ARID4A: variants seen among roughly 807,000 people sequenced by gnomAD.
The protein encoded by ARID4A is AT-rich interaction domain 4A, also known as AT-rich interactive domain-containing protein 4A.
Under a neutral mutation model 148.6 loss-of-function variants are expected in ARID4A, and 39 were observed. The ratio of observed to expected loss-of-function variants is 0.26; its 90% CI spans 0.20 to 0.34. The LOEUF (loss-of-function observed/expected upper bound fraction) is 0.34, where lower values mean the gene tolerates loss of function less well. ARID4A is among the 10% of genes least tolerant of loss of function. The pLI, the probability that ARID4A is intolerant of heterozygous loss-of-function variation, is 1.00. For synonymous variants in ARID4A, 475 were observed against 481.2 expected (o/e 0.99, Z 0.17); for missense variants, 1,265 against 1,449.1 (o/e 0.87, Z 2.06).
chr14:58,306,356 GTTTCT>G (rs1256534384), intron 5 of ARID4A, among the ~76,000 whole-genome samples: 1 of 152,090 alleles, frequency 6.6e-6, no homozygotes, highest in Admixed American at 6.5e-5. Flanking sequence ...TTACTTTGAT[GTTTCT>G]TTTCAAGAAA....
chr14:58,340,247 C>G (rs2034046596), intron 11 of ARID4A, among the ~76,000 whole-genome samples: 1 of 151,966 alleles, frequency 6.6e-6, no homozygotes. Context: ...TTTTTTGGGA[C>G]AGAGTCTCAC....
intron 11 of ARID4A, among the ~76,000 whole-genome samples, chr14:58,338,429 C>G (rs778541694): frequency 3.3e-5 from 5 of 152,216 alleles, no homozygotes; most frequent in Non-Finnish European, 7.3e-5. Flanking sequence ...TTCTGATGTA[C>G]TCCTTGCAGT....
intron 8 of ARID4A, among the ~76,000 whole-genome samples, chr14:58,327,845 G>T (rs903988547): frequency 6.6e-6 from 1 of 151,714 alleles, no homozygotes; most frequent in Non-Finnish European, 1.5e-5. Flanking sequence ...CTAATTTTTG[G>T]TATTTTTGGT....
chr14:58,309,861 T>C (rs2031889309), intron 5 of ARID4A, among the ~76,000 whole-genome samples: 1 of 152,222 alleles, frequency 6.6e-6, no homozygotes, highest in African/African-American at 2.4e-5. Flanking sequence ...AGATTTTGTG[T>C]AAGTTCTAGT....
At chr14:58,347,966 C>G (rs1368456811) in intron 15 of ARID4A, 88 bp downstream of exon 15, 1 of 863,924 alleles carries the variant, frequency 1.2e-6, no homozygotes, top group Admixed American at 2.9e-5. Flanking sequence ...AAAAGTACTA[C>G]AGTGAACCTA....
rs545250786 is a variant in ARID4A, at chr14:58,299,760, CTGAT to C, written c.-57-36_-57-33del. The C allele has an allele frequency of 1.6e-4, 244 of 1,564,304 alleles. 1 individual carries two copies. The East Asian group carries it at 5.1e-3, about 32-fold the overall frequency. ...TCCCTTGGTCGCTCCCCGCAGTTGA[CTGAT>C]TATGTCTGTGCCTGTCTTTCCCCCT... On this transcript the variant is annotated intron_variant, in intron 1 of 23. Transcript: ENST00000355431.
At chr14:58,304,911 A>G in intron 3 of ARID4A, 33 bp from the exon 4 acceptor site, 4 of 1,543,674 alleles carry the variant, frequency 2.6e-6, no homozygotes, top group Non-Finnish European at 3.6e-6. Context: ...TTTTAAAAGT[A>G]ATATGCAAAT....
rs942456020 is a variant in ARID4A, at chr14:58,359,189, A to G, written c.1911A>G (p.Pro637=). The stretch of plus-strand genomic sequence containing the variant: ...TCTGGCCTTTGGACAAAGGTGGACC[A>G]AAGAAAAAACAGAAGAAAAAAGCTA... ...RIIWPLDKGG[P]KKKQKKKAKN... Residue 637 remains proline, a synonymous_variant, in exon 18 of 24, where the codon CCA becomes CCG. Coordinates refer to ENST00000355431, the MANE Select transcript of ARID4A (RefSeq NM_002892.4). 1 of 1,604,204 alleles carries G rather than the reference A, an allele frequency of 6.2e-7. No homozygotes were observed. Among genetic ancestry groups the G allele is most frequent in the Admixed American group, 1.8e-5 (1 of 57,006 alleles).
chr14:58,357,253 G>A (rs778353600), intron 17 of ARID4A, among the ~76,000 whole-genome samples: 28 of 152,208 alleles, frequency 1.8e-4, no homozygotes, highest in African/African-American at 2.9e-4. Flanking sequence ...GTGATGTTCA[G>A]TAGGCTAGAT....
At chr14:58,337,419 A>G (rs184139798) in intron 11 of ARID4A, among the ~76,000 whole-genome samples, 19 of 151,792 alleles carry the variant, frequency 1.3e-4, no homozygotes, top group Admixed American at 1.3e-4. Flanking sequence ...CCTAACAGCT[A>G]TCAACACAGA....
At chr14:58,323,363 G>A in intron 7 of ARID4A, 122 bp from the exon 8 acceptor site, 1 of 1,122,830 alleles carries the variant, frequency 8.9e-7, no homozygotes, top group South Asian at 1.6e-5. Context: ...CAATAAGAAT[G>A]GAGAGGCTAC....
chr14:58,323,403 A>C (rs2033022216), intron 7 of ARID4A, 82 bp from the exon 8 acceptor site: 2 of 1,482,328 alleles, frequency 1.3e-6, no homozygotes, highest in Admixed American at 3.8e-5. Context: ...TTAGAAATTG[A>C]ATTGACTATA....
intron 15 of ARID4A, among the ~76,000 whole-genome samples, chr14:58,350,767 TGTA>T (rs763329028): frequency 3.9e-5 from 6 of 152,344 alleles, no homozygotes; most frequent in South Asian, 4.1e-4. Flanking sequence ...GATAAAATGA[TGTA>T]GTAAACAAAG....
At position 58,340,276 on chromosome 14, in the gene ARID4A, A is replaced by G. The variant is rs530980000; in HGVS notation, c.907-4419A>G. 1.0e-3 allele frequency among the ~76,000 whole-genome samples: 153 copies of G among 151,480 alleles called. 1 individual carries two copies. The highest frequency in any genetic ancestry group is 3.3e-3 in the African/African-American group (138 of 41,236). Reference sequence around the variant, plus strand: ...GTCTCACTCGTTTTGCCCAGGCTGGAGTGCAGTGGCGCAGTCTCAGCTGGG... The same window carrying G: ...GTCTCACTCGTTTTGCCCAGGCTGGGGTGCAGTGGCGCAGTCTCAGCTGGG... On this transcript the variant is annotated intron_variant, in intron 11 of 23. Coordinates refer to ENST00000355431, the MANE Select transcript of ARID4A (RefSeq NM_002892.4).
At chr14:58,307,569 C>T (rs1056684902) in intron 5 of ARID4A, among the ~76,000 whole-genome samples, 17 of 152,162 alleles carry the variant, frequency 1.1e-4, no homozygotes, top group Admixed American at 9.2e-4. Flanking sequence ...CCTGTAATCC[C>T]AGCACTTTAG....
intron 19 of ARID4A, among the ~76,000 whole-genome samples, chr14:58,362,854 G>A (rs1431281063): frequency 4.6e-5 from 7 of 151,982 alleles, no homozygotes; most frequent in African/African-American, 7.2e-5. Context: ...CACTGTGCCC[G>A]GCCACCAAAA....
chr14:58,337,918 A>G (rs1382093485), intron 11 of ARID4A, among the ~76,000 whole-genome samples: 2 of 152,152 alleles, frequency 1.3e-5, no homozygotes, highest in Non-Finnish European at 2.9e-5. Flanking sequence ...GGCCTTTAGA[A>G]GTCTGCCTGA....
At chr14:58,308,918 G>A (rs2031809297) in intron 5 of ARID4A, among the ~76,000 whole-genome samples, 1 of 152,166 alleles carries the variant, frequency 6.6e-6, no homozygotes, top group African/African-American at 2.4e-5. Flanking sequence ...TGCTGGTTTG[G>A]ATCAAATAGG....
At chr14:58,358,298 G>A (rs2034980048) in intron 17 of ARID4A, among the ~76,000 whole-genome samples, 1 of 151,934 alleles carries the variant, frequency 6.6e-6, no homozygotes, top group Non-Finnish European at 1.5e-5. Context: ...GCGAAACCCC[G>A]TCTCTACGAA....
Sources: allele counts gnomAD v4.1 joint callset (sites outside exome capture counted in the v4.1 genomes callset), GRCh38; gene constraint gnomAD v4.1.1; transcripts MANE v1.5; gene names NCBI Gene and HGNC (gene_info 2026-07-23, HGNC 2026-07-21).